Variants in QTMAN observed in about 807,000 individuals in gnomAD.
QTMAN encodes the protein tRNA-queuosine alpha-mannosyltransferase.
the QTMAN span, among the ~76,000 whole-genome samples, chr2:144,293,641 T>C: frequency 7.2e-5 from 11 of 152,352 alleles, 1 homozygote; most frequent in Middle Eastern, 0.01. Flanking sequence ...AGAAAAGCAG[T>C]GTTTTTGCTG....
the QTMAN span, among the ~76,000 whole-genome samples, chr2:144,026,477 T>G: frequency 2.0e-5 from 3 of 152,146 alleles, no homozygotes; most frequent in Non-Finnish European, 4.4e-5. Flanking sequence ...CTGTCATCTG[T>G]GTAAATAAAG....
the QTMAN span, among the ~76,000 whole-genome samples, chr2:144,150,031 C>T: frequency 1.3e-5 from 2 of 151,950 alleles, no homozygotes; most frequent in Admixed American, 6.6e-5. Flanking sequence ...AGTAATGATT[C>T]TTCATGGGCT....
At chr2:143,980,973 C>G in the QTMAN span, among the ~76,000 whole-genome samples, 2 of 152,212 alleles carry the variant, frequency 1.3e-5, no homozygotes, top group Admixed American at 1.3e-4. Context: ...GCCCACAATT[C>G]TTGTGTTTGA....
chr2:143,970,325 C>G, the QTMAN span, among the ~76,000 whole-genome samples: 1 of 152,126 alleles, frequency 6.6e-6, no homozygotes, highest in Non-Finnish European at 1.5e-5. Flanking sequence ...AACCAGTGAC[C>G]CCAGAGGTGA....
At chr2:144,118,354 G>A in the QTMAN span, among the ~76,000 whole-genome samples, 93 of 152,154 alleles carry the variant, frequency 6.1e-4, no homozygotes, top group African/African-American at 2.0e-3. Flanking sequence ...CCCCTTATGA[G>A]TTCCACCTTA....
the QTMAN span, among the ~76,000 whole-genome samples, chr2:143,947,394 T>C: frequency 6.6e-6 from 1 of 152,132 alleles, no homozygotes; most frequent in African/African-American, 2.4e-5. Context: ...TGCACACATA[T>C]TTCTTGGTTT....
At chr2:144,050,335 A>G in the QTMAN span, among the ~76,000 whole-genome samples, 3 of 152,148 alleles carry the variant, frequency 2.0e-5, no homozygotes, top group African/African-American at 7.2e-5. Context: ...AAACAATAAA[A>G]AGAGAGATTT....
At chr2:144,061,861 C>T in the QTMAN span, among the ~76,000 whole-genome samples, 91 of 152,164 alleles carry the variant, frequency 6.0e-4, no homozygotes, top group African/African-American at 2.1e-3. Flanking sequence ...AGAGAGGAAG[C>T]GTCTGAACAT....
chr2:144,163,697 A>G, the QTMAN span, among the ~76,000 whole-genome samples: 1 of 152,212 alleles, frequency 6.6e-6, no homozygotes, highest in Non-Finnish European at 1.5e-5. Flanking sequence ...GCAAAAAATC[A>G]TGTCATCTCC....
the QTMAN span, among the ~76,000 whole-genome samples, chr2:144,080,015 T>C: frequency 1.3e-5 from 2 of 152,092 alleles, no homozygotes; most frequent in Non-Finnish European, 2.9e-5. Context: ...TTTCCATACA[T>C]CCTTTATGAT....
At chr2:144,114,293 T>C in the QTMAN span, among the ~76,000 whole-genome samples, 1 of 152,202 alleles carries the variant, frequency 6.6e-6, no homozygotes, top group Non-Finnish European at 1.5e-5. Flanking sequence ...ACAGACACCA[T>C]ACTTTTTTTC....
At chr2:144,315,986 T>C in the QTMAN span, among the ~76,000 whole-genome samples, 1 of 152,176 alleles carries the variant, frequency 6.6e-6, no homozygotes, top group Non-Finnish European at 1.5e-5. Context: ...TCAAAAAACA[T>C]AACCAGATCA....
At chr2:144,165,577 G>A in the QTMAN span, among the ~76,000 whole-genome samples, 1 of 152,206 alleles carries the variant, frequency 6.6e-6, no homozygotes, top group Non-Finnish European at 1.5e-5. Context: ...CCTGTATCTG[G>A]ATTTCAAACC....
At chr2:143,987,197 G>A in the QTMAN span, among the ~76,000 whole-genome samples, 1 of 152,166 alleles carries the variant, frequency 6.6e-6, no homozygotes, top group South Asian at 2.1e-4. Context: ...AGGGTCTAGG[G>A]ATATCAAGGT....
chr2:144,317,679 G>A, the QTMAN span: 108 of 152,298 alleles, frequency 7.1e-4, no homozygotes, highest in African/African-American at 2.5e-3. Flanking sequence ...GAACTCATCA[G>A]ACAAGGGAGT....
At chr2:144,040,345 T>G in the QTMAN span, among the ~76,000 whole-genome samples, 1 of 152,038 alleles carries the variant, frequency 6.6e-6, no homozygotes, top group East Asian at 1.9e-4. Flanking sequence ...TATCACTTGC[T>G]TCTGCTTGAG....
the QTMAN span, among the ~76,000 whole-genome samples, chr2:144,290,689 A>T: frequency 4.1e-4 from 63 of 152,226 alleles, no homozygotes; most frequent in East Asian, 0.012. Context: ...ACCTAAATAC[A>T]TCAGAGGCAC....
At chr2:144,220,846 T>C in the QTMAN span, among the ~76,000 whole-genome samples, 1 of 152,254 alleles carries the variant, frequency 6.6e-6, no homozygotes, top group African/African-American at 2.4e-5. Flanking sequence ...AGTTGTTGAA[T>C]TGATCTTGAT....
the QTMAN span, among the ~76,000 whole-genome samples, chr2:144,263,301 T>C: frequency 6.6e-6 from 1 of 152,146 alleles, no homozygotes; most frequent in Non-Finnish European, 1.5e-5. Context: ...TTGGATACTG[T>C]ACACTGATAT....
Sources: allele counts gnomAD v4.1 joint callset (sites outside exome capture counted in the v4.1 genomes callset), GRCh38; gene constraint gnomAD v4.1.1; transcripts MANE v1.5; gene names NCBI Gene and HGNC (gene_info 2026-07-23, HGNC 2026-07-21).